Variants in DNAH14 observed in about 807,000 individuals in gnomAD.
The protein encoded by DNAH14 is axonemal beta dynein heavy chain 14.
A neutral mutation model predicts 520.9 loss-of-function variants in DNAH14; 478 were observed. The ratio of observed to expected loss-of-function variants is 0.92; its 90% CI spans 0.85 to 0.99. The LOEUF (loss-of-function observed/expected upper bound fraction) is 0.99. Among genes scored for constraint, DNAH14 ranks in the 50% least tolerant of loss-of-function variants. DNAH14 has a pLI of 0.00. For synonymous variants in DNAH14, 1,581 were observed against 1,757.2 expected (o/e 0.90, Z 2.51); for missense variants, 4,831 against 5,234.5 (o/e 0.92, Z 2.38).
intron 18 of DNAH14, among the ~76,000 whole-genome samples, chr1:225,079,856 G>A (rs1160296301): frequency 1.3e-5 from 2 of 151,550 alleles, no homozygotes; most frequent in African/African-American, 4.8e-5. Flanking sequence ...TGTATTTTTA[G>A]TAGAGACGAG....
At chr1:225,381,247 CCTT>C in intron 80 of DNAH14, 133 bp from the exon 81 acceptor site, 4 of 833,938 alleles carry the variant, frequency 4.8e-6, no homozygotes, top group Non-Finnish European at 7.4e-6. Context: ...TGCTATCTGA[CCTT>C]CTACAGAAAA....
chr1:225,057,113 T>A (rs1164958141), intron 17 of DNAH14, among the ~76,000 whole-genome samples: 3 of 152,248 alleles, frequency 2.0e-5, no homozygotes, highest in African/African-American at 7.2e-5. Context: ...ATCTATAAAT[T>A]ACCTTGGGCA....
chr1:225,078,812 CT>C (rs1558883250), intron 17 of DNAH14, among the ~76,000 whole-genome samples: 2 of 67,882 alleles, frequency 2.9e-5, no homozygotes, highest in Non-Finnish European at 3.6e-5. Flanking sequence ...CTCTCTCTCT[CT>C]CTCTCTCTCT....
Position 225,174,447 on chromosome 1 carries a change from A to G in DNAH14, c.5535+6419A>G, listed in dbSNP as rs534584527. On this transcript the variant is annotated intron_variant, in intron 36 of 85. Transcript: ENST00000682510. ...TATTTTTGTAACTATTATAAATGGAATGCTTTCTTAATTTCTTTCTCAGTC... is the reference window on the plus strand; with the variant it reads ...TATTTTTGTAACTATTATAAATGGAGTGCTTTCTTAATTTCTTTCTCAGTC... 2.0e-5 allele frequency among the ~76,000 whole-genome samples: 3 copies of G among 152,252 alleles called. No individual in the cohort carries two copies. In the East Asian group the frequency reaches 5.8e-4, roughly 29 times the overall value.
chr1:225,252,472 A>G, intron 44 of DNAH14, 55 bp downstream of exon 44: 1 of 981,954 alleles, frequency 1.0e-6, no homozygotes, highest in Non-Finnish European at 1.5e-6. Context: ...GGTATACTCT[A>G]TTCATAAAAG....
intron 17 of DNAH14, among the ~76,000 whole-genome samples, chr1:225,056,846 T>A (rs1285166159): frequency 2.6e-5 from 4 of 152,218 alleles, no homozygotes; most frequent in Admixed American, 1.3e-4. Flanking sequence ...GTTGTAGATA[T>A]GTGGAATTAT....
chr1:224,976,993 T>C (rs566244037), intron 8 of DNAH14, among the ~76,000 whole-genome samples: 45 of 151,032 alleles, frequency 3.0e-4, no homozygotes, highest in Admixed American at 3.0e-3. Context: ...ACTGGGTATA[T>C]ACCCAAAGGA....
intron 29 of DNAH14, 132 bp downstream of exon 29, chr1:225,144,760 C>CATATAATT: frequency 1.4e-6 from 1 of 706,354 alleles, no homozygotes; most frequent in African/African-American, 1.8e-5. Context: ...CATTAACTCA[C>CATATAATT]ATATAATTAA....
chr1:225,149,886 C>T (rs901132249), intron 31 of DNAH14, among the ~76,000 whole-genome samples: 3 of 152,110 alleles, frequency 2.0e-5, no homozygotes, highest in Non-Finnish European at 4.4e-5. Context: ...TTTGGATGCC[C>T]TTAATTTCTT....
rs1360739777 is a variant in DNAH14 at position 225,207,239 on chromosome 1, G to A, written c.6439+19G>A. ...GAACAAAGTGAGTTTTTTTCTCTAA[G>A]TCATATCAATGATATATCTTAGCTA... is the stretch of plus-strand genomic sequence containing the variant. On this transcript the variant is annotated intron_variant, in intron 41 of 85. Transcript: ENST00000682510. The A allele has an allele frequency of 6.7e-7, 1 of 1,490,050 alleles. No homozygotes were observed. The highest frequency in any genetic ancestry group is 8.9e-7 in the Non-Finnish European group (1 of 1,118,064). The allele number at this position is 1,490,050 out of a possible 1,614,324, so 92.3% of individuals were successfully genotyped here. A position where few individuals can be genotyped will look rare whatever the true frequency, so the allele number is the denominator to read the frequency against.
At chr1:225,168,105 T>A in intron 36 of DNAH14, 77 bp downstream of exon 36, 1 of 826,454 alleles carries the variant, frequency 1.2e-6, no homozygotes, top group Non-Finnish European at 1.9e-6. Context: ...GCAAAAATAA[T>A]AATAAAAGAG....
intron 27 of DNAH14, among the ~76,000 whole-genome samples, chr1:225,136,518 G>T (rs1345275925): frequency 6.6e-6 from 1 of 152,104 alleles, no homozygotes; most frequent in African/African-American, 2.4e-5. Flanking sequence ...CCAATGAGAG[G>T]TCCACTATTA....
At chr1:225,062,231 G>T (rs2456332) in intron 17 of DNAH14, among the ~76,000 whole-genome samples, 121,075 of 152,022 alleles carry the variant, frequency 0.8, 51,646 homozygotes, top group Non-Finnish European at 0.96. Context: ...ATCCCAGGAA[G>T]TTGAGGCTGC....
chr1:224,981,146 A>G (rs2062239365), intron 8 of DNAH14, among the ~76,000 whole-genome samples: 1 of 152,168 alleles, frequency 6.6e-6, no homozygotes, highest in Non-Finnish European at 1.5e-5. Context: ...CCACTTGATC[A>G]TGGTGGATTA....
At chr1:225,215,037 G>A (rs2089086289) in intron 41 of DNAH14, among the ~76,000 whole-genome samples, 1 of 152,070 alleles carries the variant, frequency 6.6e-6, no homozygotes, top group South Asian at 2.1e-4. Context: ...TTTCTCTTGT[G>A]GTCATTTAGT....
chr1:225,361,465 G>A (rs959171159), intron 75 of DNAH14, among the ~76,000 whole-genome samples: 1 of 152,200 alleles, frequency 6.6e-6, no homozygotes, highest in African/African-American at 2.4e-5. Context: ...GCAATGTGTT[G>A]AATCAATGAT....
At chr1:225,306,069 G>C (rs1246081083) in intron 58 of DNAH14, among the ~76,000 whole-genome samples, 1 of 152,224 alleles carries the variant, frequency 6.6e-6, no homozygotes, top group African/African-American at 2.4e-5. Flanking sequence ...AGGAAGTCCA[G>C]GGCAATGTGA....
intron 60 of DNAH14, among the ~76,000 whole-genome samples, chr1:225,313,007 A>G (rs932175956): frequency 2.0e-5 from 3 of 152,196 alleles, no homozygotes; most frequent in African/African-American, 7.2e-5. Context: ...AAATAGTTTC[A>G]GAAGAAATGG....
intron 23 of DNAH14, among the ~76,000 whole-genome samples, chr1:225,103,850 A>G (rs565869840): frequency 6.6e-6 from 1 of 152,200 alleles, no homozygotes; most frequent in East Asian, 1.9e-4. Flanking sequence ...GGACAATTTG[A>G]CTTCCTCTTT....
Sources: allele counts gnomAD v4.1 joint callset (sites outside exome capture counted in the v4.1 genomes callset), GRCh38; gene constraint gnomAD v4.1.1; transcripts MANE v1.5; gene names NCBI Gene and HGNC (gene_info 2026-07-23, HGNC 2026-07-21).